SLC2A1: variants seen among roughly 807,000 people sequenced by gnomAD.
SLC2A1 encodes solute carrier family 2 member 1, also known as solute carrier family 2, facilitated glucose transporter member 1.
In SLC2A1, 4 loss-of-function variants were observed where a neutral mutation model predicts 46.6. The ratio of observed to expected loss-of-function variants is 0.09; its 90% CI spans 0.04 to 0.20. The LOEUF is 0.20. Ranked by LOEUF, SLC2A1 falls within the 10% of genes least tolerant of loss-of-function variation. SLC2A1 has a pLI of 1.00. For synonymous variants in SLC2A1, 253 were observed against 270.0 expected (o/e 0.94, Z 0.62); for missense variants, 352 against 667.0 (o/e 0.53, Z 5.20).
chr1:42,928,352 G>T (rs1643450374), intron 8 of SLC2A1, among the ~76,000 whole-genome samples: 1 of 152,158 alleles, frequency 6.6e-6, no homozygotes, highest in African/African-American at 2.4e-5. Flanking sequence ...TGCTTTCCTT[G>T]CCCAGAGGCT....
chr1:42,937,771 C>A (rs753713018), intron 2 of SLC2A1, among the ~76,000 whole-genome samples: 1 of 152,018 alleles, frequency 6.6e-6, no homozygotes, highest in African/African-American at 2.4e-5. Flanking sequence ...GTAGTGGTGA[C>A]GGGTGAAGGG....
In SLC2A1 at chr1:42,930,379, G is replaced by GGGGAAGGCGGGCCCTGTGGT; in HGVS notation, c.516+227_516+246dup. The GGGGAAGGCGGGCCCTGTGGT allele has an allele frequency of 1.4e-6, 1 of 690,004 alleles. No individual in the cohort carries two copies. Among genetic ancestry groups the GGGGAAGGCGGGCCCTGTGGT allele is most frequent in the Non-Finnish European group, 2.6e-6 (1 of 378,346 alleles). The allele number at this position is 690,004 out of a possible 1,614,324, so 42.7% of individuals were successfully genotyped here. A position where few individuals can be genotyped will look rare whatever the true frequency, so the allele number is the denominator to read the frequency against. ...GTGCATAACAGCCTGCGGCATGTTGGGGGAAGGCGGGCCCTGTGGTTGGAA... is the reference window on the plus strand; with the variant it reads ...GTGCATAACAGCCTGCGGCATGTTGGGGGAAGGCGGGCCCTGTGGTGGGAAGGCGGGCCCTGTGGTTGGAA... On this transcript the variant is annotated intron_variant, in intron 4 of 9. Transcript: ENST00000426263. This position sits in a 1 kb window ranked among gnomAD's most constrained non-coding sequence, Gnocchi z 6.2.
At chr1:42,928,328 A>G (rs1643450198) in intron 8 of SLC2A1, among the ~76,000 whole-genome samples, 1 of 152,164 alleles carries the variant, frequency 6.6e-6, no homozygotes, top group African/African-American at 2.4e-5. Flanking sequence ...TGAGCTGTAA[A>G]ATGACAGTCA....
At chr1:42,953,626 T>C (rs1377797421) in intron 1 of SLC2A1, among the ~76,000 whole-genome samples, 1 of 152,228 alleles carries the variant, frequency 6.6e-6, no homozygotes, top group Admixed American at 6.5e-5. Flanking sequence ...CACACTTTCC[T>C]CTTTGTTCCA....
intron 1 of SLC2A1, among the ~76,000 whole-genome samples, chr1:42,948,861 G>A (rs1268675445): frequency 2.0e-5 from 3 of 152,008 alleles, no homozygotes; most frequent in African/African-American, 4.8e-5. Context: ...TCAGGAGATC[G>A]AGACCATCCT....
Position 42,930,143 on chromosome 1 carries a change from C to T in SLC2A1, c.517-108G>A, listed in dbSNP as rs1266144111. On this transcript the variant is annotated intron_variant, in intron 4 of 9. Coordinates refer to ENST00000426263, the MANE Select transcript of SLC2A1 (RefSeq NM_006516.4). The surrounding 1 kb of genome is among the most constrained non-coding windows in gnomAD (Gnocchi z 6.2). ...TGTCAGCTGCTGCTTCAGGGAAGGG[C>T]CCCAGTTCTAGAGGCTCTGCCACTA... 1.6e-6 allele frequency: 2 copies of T among 1,287,508 alleles called. No individual in the cohort carries two copies. The highest frequency in any genetic ancestry group is 4.9e-5 in the East Asian group (2 of 40,412). The allele number at this position is 1,287,508 out of a possible 1,614,324, so 79.8% of individuals were successfully genotyped here. A position where few individuals can be genotyped will look rare whatever the true frequency, so the allele number is the denominator to read the frequency against.
chr1:42,943,459 T>C lies in SLC2A1; in HGVS notation c.19-138A>G, dbSNP rs13306751. On this transcript the variant is annotated intron_variant, in intron 1 of 9. Transcript: ENST00000426263. ...CACACCAGTCTTTCTCCCAGGAAAC[T>C]TGGCCAATTCCTGACCTTAGGTGCC... 4.2e-5 allele frequency: 32 copies of C among 754,370 alleles called. No homozygotes were observed. The East Asian group carries it at 6.4e-4, about 15-fold the overall frequency. 46.7% of individuals were successfully genotyped at this position (754,370 alleles called of 1,614,324 possible).
Position 42,946,599 on chromosome 1 carries a change from GAC to G in SLC2A1, c.19-3280_19-3279del, listed in dbSNP as rs374329576. On this transcript the variant is annotated intron_variant, in intron 1 of 9. Coordinates refer to ENST00000426263, the MANE Select transcript of SLC2A1 (RefSeq NM_006516.4). ...GTGACATTGGAGCTGGGCTGTGAAG[GAC>G]ACACAGAGAGTCTGCCAAGTGGGAA... 4.1e-4 allele frequency among the ~76,000 whole-genome samples: 63 copies of G among 152,312 alleles called. 1 individual carries two copies. The East Asian group carries it at 0.012, about 29-fold the overall frequency.
In SLC2A1 at chr1:42,931,122, G is replaced by C; in HGVS notation, c.199C>G (p.Leu67Val). 1 of 1,614,170 alleles carries C rather than the reference G, an allele frequency of 6.2e-7. No individual in the cohort carries two copies. ...CCAACAGAAAAGATGGCCACTGAGA[G>C]GGACCAGAGCGTGGTGAGCGTGGTG... ...LPTTLTTLWS[L>V]SVAIFSVGGM... The change falls in exon 3 of 10, where the codon CTC becomes GTC. Residue 67 changes from leucine to valine, a missense_variant. Physicochemically the swap from Leu to Val is conservative, Grantham distance 32. This residue lies in a region of SLC2A1 where 97 missense variants were observed against 175.6 expected (regional missense o/e 0.55). Coordinates refer to ENST00000426263, the MANE Select transcript of SLC2A1 (RefSeq NM_006516.4).
chr1:42,927,580 G>GAAATGGTGA lies in SLC2A1; in HGVS notation c.1278+24_1278+25insTCACCATTT, dbSNP rs1553155871. On this transcript the variant is annotated intron_variant, in intron 9 of 9. Coordinates refer to ENST00000426263, the MANE Select transcript of SLC2A1 (RefSeq NM_006516.4). The surrounding 1 kb of genome is among the most constrained non-coding windows in gnomAD (Gnocchi z 5.3). ...ACTGTGGGGTCATGCGTGCGGGTGA[G>GAAATGGTGA]TATAGAGACAGTGGGGGTTCTCACC... 8.1e-6 allele frequency: 13 copies of GAAATGGTGA among 1,604,506 alleles called. No homozygotes were observed. The highest frequency in any genetic ancestry group is 9.4e-6 in the Non-Finnish European group (11 of 1,172,204).
chr1:42,938,341 C>CTCTA (rs1643564430), intron 2 of SLC2A1, among the ~76,000 whole-genome samples: 3 of 152,210 alleles, frequency 2.0e-5, no homozygotes, highest in Non-Finnish European at 1.5e-5. Flanking sequence ...TGGAGCCCAC[C>CTCTA]TCTAGCTCAG....
In SLC2A1 at chr1:42,930,746, G is replaced by A; in HGVS notation, c.396C>T (p.Tyr132=). 6.2e-7 allele frequency: 1 copy of A among 1,608,856 alleles called. No individual in the cohort carries two copies. Among genetic ancestry groups the A allele is most frequent in the Non-Finnish European group, 8.5e-7 (1 of 1,179,984 alleles). The change falls in exon 4 of 10, where the codon TAC becomes TAT. Residue 132 remains tyrosine, a synonymous_variant. Coordinates refer to ENST00000426263, the MANE Select transcript of SLC2A1 (RefSeq NM_006516.4). This position sits in a 1 kb window ranked among gnomAD's most constrained non-coding sequence, Gnocchi z 6.2. Reference sequence around the variant, plus strand: ...GCACGAAGCCTGTGGTCAGGCCGCAGTACACACCGATGATGAAGCGGCCCA... The same window carrying A: ...GCACGAAGCCTGTGGTCAGGCCGCAATACACACCGATGATGAAGCGGCCCA... ...LILGRFIIGV[Y]CGLTTGFVPM...
chr1:42,934,468 G>T (rs575626655), intron 2 of SLC2A1, among the ~76,000 whole-genome samples: 1 of 152,280 alleles, frequency 6.6e-6, no homozygotes, highest in African/African-American at 2.4e-5. Context: ...CCTACTGCTG[G>T]TTCCGGTGCT....
At chr1:42,953,026 G>A (rs983757729) in intron 1 of SLC2A1, among the ~76,000 whole-genome samples, 8 of 152,216 alleles carry the variant, frequency 5.3e-5, no homozygotes, top group African/African-American at 1.9e-4. Flanking sequence ...AGTGTGGCTG[G>A]CCTAAGGTCC....
chr1:42,948,317 G>T (rs1208035351), intron 1 of SLC2A1, among the ~76,000 whole-genome samples: 7 of 152,180 alleles, frequency 4.6e-5, no homozygotes, highest in Non-Finnish European at 1.0e-4. Context: ...CAGCCCCAGG[G>T]TTGGCCTGCA....
At position 42,929,245 on chromosome 1, in the gene SLC2A1, A is replaced by T. The variant is rs886041633; in HGVS notation, c.937T>A (p.Ser313Thr). 1 of 1,614,022 alleles carries T rather than the reference A, an allele frequency of 6.2e-7. No individual in the cohort carries two copies. The highest frequency in any genetic ancestry group is 8.5e-7 in the Non-Finnish European group (1 of 1,180,006). The change falls in exon 7 of 10, where the codon TCC becomes ACC. Residue 313 changes from serine (S) to threonine (T), a missense_variant. This residue lies in a region of SLC2A1 where 167 missense variants were observed against 280.8 expected (regional missense o/e 0.59). Transcript: ENST00000426263. This position sits in a 1 kb window ranked among gnomAD's most constrained non-coding sequence, Gnocchi z 6.0. ...GTGAAGGCCGTGTTGACGATACCGG[A>T]GCCAATGGTGGCATACACAGGCTGC... ...VQQPVYATIG[S>T]GIVNTAFTVV...
At chr1:42,932,615 G>T (rs1643503690) in intron 2 of SLC2A1, among the ~76,000 whole-genome samples, 1 of 152,152 alleles carries the variant, frequency 6.6e-6, no homozygotes, top group Non-Finnish European at 1.5e-5. Context: ...ACACACAGCG[G>T]TATGCAGCCT....
intron 1 of SLC2A1, among the ~76,000 whole-genome samples, chr1:42,948,064 A>G (rs3768042): frequency 0.15 from 22,058 of 152,056 alleles, 1,814 homozygotes; most frequent in South Asian, 0.18. Flanking sequence ...CTTGGCCAGC[A>G]ACTGGGCTCA....
Position 42,926,989 on chromosome 1 carries a change from G to T in SLC2A1, c.*52C>A. ...GTCTCATCCAGCTGCCTGTGCTCCT[G>T]AGAGATCCTTAGGGCTGCTGGGAGC... On this transcript the variant is annotated 3_prime_UTR_variant, in exon 10 of 10. Transcript: ENST00000426263. The T allele has an allele frequency of 6.3e-7, 1 of 1,599,290 alleles. No individual in the cohort carries two copies. The highest frequency in any genetic ancestry group is 1.1e-5 in the South Asian group (1 of 90,270).
Sources: gnomAD v4.1 joint callset for allele counts (sites outside exome capture counted in the v4.1 genomes callset) on GRCh38, gnomAD v4.1.1 for gene constraint, gnomAD v4.1.1 regional missense constraint, Gnocchi (gnomAD v3.1) non-coding constraint, MANE v1.5 for transcripts, NCBI Gene and HGNC (gene_info 2026-07-23, HGNC 2026-07-21) for gene names.